TASP1: variants seen among roughly 807,000 people sequenced by gnomAD.
TASP1 encodes threonine aspartase 1.
In TASP1, 16 loss-of-function variants were observed where a neutral mutation model predicts 56.6. The ratio of observed to expected loss-of-function variants is 0.28; its 90% CI spans 0.19 to 0.43. The LOEUF (loss-of-function observed/expected upper bound fraction) is 0.43. Among genes scored for constraint, TASP1 ranks in the 20% least tolerant of loss-of-function variants. TASP1 has a pLI of 1.00. For missense variants in TASP1, 393 were observed against 511.6 expected (o/e 0.77, Z 2.24); for synonymous variants, 179 against 184.2 (o/e 0.97, Z 0.23).
chr20:13,244,394 A>T, the TASP1 span: 1 of 152,112 alleles, frequency 6.6e-6, no homozygotes, highest in Non-Finnish European at 1.5e-5. Flanking sequence ...ATGCAAAAAA[A>T]AAAAAAACCA....
the TASP1 span, among the ~76,000 whole-genome samples, chr20:13,383,268 C>T: frequency 6.6e-6 from 1 of 152,150 alleles, no homozygotes; most frequent in Admixed American, 6.5e-5. Flanking sequence ...GAGACCAGTG[C>T]AGAACCTATT....
the TASP1 span, among the ~76,000 whole-genome samples, chr20:13,184,407 A>C: frequency 6.6e-6 from 1 of 152,190 alleles, no homozygotes; most frequent in Non-Finnish European, 1.5e-5. Flanking sequence ...TAATATATTC[A>C]TTCTTCAATT....
At chr20:13,285,905 G>A in the TASP1 span, among the ~76,000 whole-genome samples, 58,699 of 151,968 alleles carry the variant, frequency 0.39, 11,409 homozygotes, top group East Asian at 0.44. Flanking sequence ...TCTACATTGC[G>A]ATAATGGAGA....
chr20:13,143,306 A>G, the TASP1 span, among the ~76,000 whole-genome samples: 1 of 152,176 alleles, frequency 6.6e-6, no homozygotes, highest in Non-Finnish European at 1.5e-5. Flanking sequence ...ATAGTTTTCA[A>G]TATTTGTGAA....
intron 4 of TASP1, among the ~76,000 whole-genome samples, chr20:13,610,820 C>A (rs2048325670): frequency 6.6e-6 from 1 of 152,102 alleles, no homozygotes; most frequent in Non-Finnish European, 1.5e-5. Flanking sequence ...CAATTCTAAT[C>A]CAGCCCTCAC....
chr20:13,548,544 A>C (rs1244141504), intron 8 of TASP1, among the ~76,000 whole-genome samples: 2 of 152,144 alleles, frequency 1.3e-5, no homozygotes, highest in Non-Finnish European at 2.9e-5. Context: ...GGGGAAAATA[A>C]AGAGCAAGGA....
the TASP1 span, among the ~76,000 whole-genome samples, chr20:13,244,603 G>A: frequency 2.6e-5 from 4 of 152,164 alleles, no homozygotes; most frequent in Middle Eastern, 3.2e-3. Context: ...GCTTATTCCA[G>A]TTCACAGGCA....
the TASP1 span, among the ~76,000 whole-genome samples, chr20:13,319,029 T>C: frequency 2.6e-5 from 4 of 152,168 alleles, no homozygotes; most frequent in Non-Finnish European, 4.4e-5. Context: ...TGGGTGATAA[T>C]GATGTGTCAA....
the TASP1 span, among the ~76,000 whole-genome samples, chr20:13,360,633 T>G: frequency 6.6e-6 from 1 of 152,194 alleles, no homozygotes; most frequent in African/African-American, 2.4e-5. Context: ...TCAGAGGCCC[T>G]CAAAATCACA....
chr20:13,216,402 C>T, the TASP1 span, among the ~76,000 whole-genome samples: 3,603 of 152,272 alleles, frequency 0.024, 58 homozygotes, highest in Non-Finnish European at 0.037. Context: ...CTTAGGACAG[C>T]GGTTGACAAA....
chr20:13,612,095 AT>A (rs890353110), intron 4 of TASP1, among the ~76,000 whole-genome samples: 9 of 152,148 alleles, frequency 5.9e-5, no homozygotes, highest in Non-Finnish European at 7.4e-5. Context: ...CTAACAACAA[AT>A]TTTATTATCA....
At chr20:13,137,296 C>T in the TASP1 span, among the ~76,000 whole-genome samples, 2 of 152,256 alleles carry the variant, frequency 1.3e-5, no homozygotes, top group Admixed American at 1.3e-4. Context: ...GTTGCCTTGG[C>T]TGTAGAATTC....
the TASP1 span, among the ~76,000 whole-genome samples, chr20:13,351,369 C>G: frequency 1.3e-5 from 2 of 152,184 alleles, no homozygotes; most frequent in African/African-American, 2.4e-5. Context: ...ACACAGATAC[C>G]TGGTCACGAA....
intron 10 of TASP1, among the ~76,000 whole-genome samples, chr20:13,527,597 A>G (rs2045031528): frequency 6.6e-6 from 1 of 152,078 alleles, no homozygotes; most frequent in Non-Finnish European, 1.5e-5. Flanking sequence ...ACCATTCCTC[A>G]TCTCCTGCAC....
the TASP1 span, among the ~76,000 whole-genome samples, chr20:13,339,351 C>T: frequency 6.6e-6 from 1 of 152,170 alleles, no homozygotes; most frequent in African/African-American, 2.4e-5. Flanking sequence ...TTACCCTCTG[C>T]CTGAAATGGT....
chr20:13,498,135 G>C (rs1279998203), intron 10 of TASP1, among the ~76,000 whole-genome samples: 1 of 152,060 alleles, frequency 6.6e-6, no homozygotes, highest in African/African-American at 2.4e-5. Flanking sequence ...TTAAACTAAA[G>C]AGCTTTTGCA....
intron 13 of TASP1, among the ~76,000 whole-genome samples, chr20:13,401,079 C>T (rs1032905639): frequency 1.5e-4 from 23 of 152,204 alleles, no homozygotes; most frequent in African/African-American, 4.6e-4. Flanking sequence ...CCAAACAGGG[C>T]GGCTACCACC....
chr20:13,606,291 A>C (rs1016975105), intron 4 of TASP1, among the ~76,000 whole-genome samples: 1 of 152,116 alleles, frequency 6.6e-6, no homozygotes, highest in Non-Finnish European at 1.5e-5. Flanking sequence ...ACATCTTCAC[A>C]TGGCTTTCTC....
chr20:13,146,290 G>A, the TASP1 span, among the ~76,000 whole-genome samples: 1 of 152,130 alleles, frequency 6.6e-6, no homozygotes, highest in Non-Finnish European at 1.5e-5. Flanking sequence ...AGGAGGGTGG[G>A]AGGAGGGAGA....
Sources: allele counts gnomAD v4.1 joint callset (sites outside exome capture counted in the v4.1 genomes callset), GRCh38; gene constraint gnomAD v4.1.1; transcripts MANE v1.5; gene names NCBI Gene and HGNC (gene_info 2026-07-23, HGNC 2026-07-21).